ENPP1: variants seen among roughly 807,000 people sequenced by gnomAD.
ENPP1 encodes ectonucleotide pyrophosphatase/phosphodiesterase family member 1.
In ENPP1, 73 loss-of-function variants were observed where a neutral mutation model predicts 122.8. The observed-to-expected ratio is 0.59, with a 90% CI of 0.49 to 0.72. The LOEUF is 0.72. Ranked by LOEUF, ENPP1 falls within the 30% of genes least tolerant of loss-of-function variation. ENPP1 has a pLI of 0.00. For missense variants in ENPP1, 978 were observed against 1,128.1 expected (o/e 0.87, Z 1.91); for synonymous variants, 367 against 391.6 (o/e 0.94, Z 0.74).
chr6:131,868,090 C>G lies in ENPP1; in HGVS notation c.1237C>G (p.His413Asp), dbSNP rs755213459. The G allele has an allele frequency of 6.2e-7, 1 of 1,613,284 alleles. No individual in the cohort carries two copies. The highest frequency in any genetic ancestry group is 8.5e-7 in the Non-Finnish European group (1 of 1,179,328). The change falls in exon 12 of 25, where the codon CAC becomes GAC. Residue 413 changes from histidine (H) to aspartate (D), a missense_variant. Coordinates refer to ENST00000647893, the MANE Select transcript of ENPP1 (RefSeq NM_006208.3). ...LMDGLKELNL[H>D]RCLNLILISD... ...GGATGGTCTGAAAGAGCTGAACTTG[C>G]ACAGATGCCTGAACCTCATCCTTAT...
At chr6:131,872,024 T>C in intron 13 of ENPP1, 46 bp from the exon 14 acceptor site, 1 of 1,330,320 alleles carries the variant, frequency 7.5e-7, no homozygotes, top group Non-Finnish European at 1.1e-6. Context: ...ATGTTTTAAT[T>C]ATAGTATACA....
chr6:131,854,280 G>T (rs919737585), intron 5 of ENPP1, among the ~76,000 whole-genome samples: 7 of 152,028 alleles, frequency 4.6e-5, no homozygotes, highest in African/African-American at 1.4e-4. Flanking sequence ...AGGCATGGTG[G>T]TGCGTGTTTG....
intron 1 of ENPP1, among the ~76,000 whole-genome samples, chr6:131,831,630 C>T (rs531048436): frequency 1.3e-5 from 2 of 152,226 alleles, no homozygotes; most frequent in South Asian, 4.2e-4. Flanking sequence ...TGGGATTTGT[C>T]TAATGTTTTT....
intron 23 of ENPP1, 36 bp downstream of exon 23, chr6:131,885,099 T>TC: frequency 6.2e-7 from 1 of 1,605,604 alleles, no homozygotes; most frequent in East Asian, 2.2e-5. Context: ...AAAATAGGAA[T>TC]TACCATCCAG....
rs755969803 is a variant in ENPP1 at position 131,868,127 on chromosome 6, G to A, written c.1273+1G>A. ...AACCTCATCCTTATTTCAGATCATG[G>A]TAATCTGAATTTGCATTATTTACTC... On this transcript the variant is annotated splice_donor_variant, in intron 12 of 24. Transcript: ENST00000647893. LOFTEE classifies it high-confidence loss of function. The A allele has an allele frequency of 1.9e-6, 3 of 1,594,072 alleles. No homozygotes were observed. In the South Asian group the frequency reaches 3.3e-5, roughly 18 times the overall value.
At chr6:131,861,263 CAAT>C (rs1782019582) in intron 8 of ENPP1, among the ~76,000 whole-genome samples, 2 of 152,088 alleles carry the variant, frequency 1.3e-5, no homozygotes, top group Admixed American at 1.3e-4. Context: ...CCATGATTGG[CAAT>C]AATAAGTGCT....
intron 1 of ENPP1, among the ~76,000 whole-genome samples, chr6:131,825,045 G>A (rs578198911): frequency 2.6e-5 from 4 of 151,684 alleles, no homozygotes; most frequent in African/African-American, 9.7e-5. Flanking sequence ...GGGTGACAGA[G>A]CGAGACTGTG....
intron 24 of ENPP1, among the ~76,000 whole-genome samples, chr6:131,889,227 A>T (rs1465308321): frequency 2.0e-5 from 3 of 152,258 alleles, no homozygotes; most frequent in Non-Finnish European, 4.4e-5. Flanking sequence ...TTTTAAAAAA[A>T]TTTTCAACTT....
intron 1 of ENPP1, among the ~76,000 whole-genome samples, chr6:131,823,220 C>T (rs1203076072): frequency 2.0e-5 from 3 of 152,046 alleles, no homozygotes; most frequent in African/African-American, 7.3e-5. Flanking sequence ...TTTGTCCGGC[C>T]CTATGCTAAA....
intron 3 of ENPP1, among the ~76,000 whole-genome samples, chr6:131,850,351 G>T (rs1162502745): frequency 6.6e-6 from 1 of 152,084 alleles, no homozygotes; most frequent in African/African-American, 2.4e-5. Flanking sequence ...AATGTATGCT[G>T]AAAGCCTTTG....
At chr6:131,811,919 C>T (rs1400314491) in intron 1 of ENPP1, among the ~76,000 whole-genome samples, 1 of 152,214 alleles carries the variant, frequency 6.6e-6, no homozygotes, top group Non-Finnish European at 1.5e-5. Flanking sequence ...GGCTCATTTC[C>T]GGATAGTCTT....
At chr6:131,887,828 A>G (rs12206909) in intron 24 of ENPP1, among the ~76,000 whole-genome samples, 15,286 of 139,646 alleles carry the variant, frequency 0.11, 1,652 homozygotes, top group African/African-American at 0.29. Context: ...TCCTTCCAAA[A>G]TGCTGGGATT....
intron 12 of ENPP1, among the ~76,000 whole-genome samples, chr6:131,868,784 A>G (rs1425681361): frequency 1.3e-5 from 2 of 152,224 alleles, no homozygotes; most frequent in East Asian, 1.9e-4. Context: ...GAAGCATGAT[A>G]TATTAATTTT....
At chr6:131,884,774 C>G (rs568497338) in intron 22 of ENPP1, among the ~76,000 whole-genome samples, 157 bp from the exon 23 acceptor site, 2 of 152,140 alleles carry the variant, frequency 1.3e-5, no homozygotes, top group Non-Finnish European at 2.9e-5. Context: ...GACTCTGTCT[C>G]TAAACAAAAA....
intron 1 of ENPP1, among the ~76,000 whole-genome samples, chr6:131,840,878 G>A (rs1157339268): frequency 6.6e-6 from 1 of 152,168 alleles, no homozygotes; most frequent in Non-Finnish European, 1.5e-5. Flanking sequence ...TACCAGGCAG[G>A]TGTCAATTTC....
chr6:131,825,059 C>CAA lies in ENPP1; in HGVS notation c.240+16793_240+16794dup, dbSNP rs371592579. 1.3e-3 allele frequency among the ~76,000 whole-genome samples: 184 copies of CAA among 143,080 alleles called. No homozygotes were observed. In the South Asian group the frequency reaches 0.017, roughly 13 times the overall value. 93.9% of individuals were successfully genotyped at this position (143,080 alleles called of 152,430 possible). ...TGGGTGACAGAGCGAGACTGTGTCT[C>CAA]AAAAAAAAAACAAACAAACAAAAGC... On this transcript the variant is annotated intron_variant, in intron 1 of 24. Coordinates refer to ENST00000647893, the MANE Select transcript of ENPP1 (RefSeq NM_006208.3).
chr6:131,843,840 G>C (rs1781771758), intron 1 of ENPP1, among the ~76,000 whole-genome samples: 1 of 152,012 alleles, frequency 6.6e-6, no homozygotes, highest in South Asian at 2.1e-4. Context: ...CACATGGGAT[G>C]CCCTAAGCCC....
In ENPP1 at chr6:131,852,183, A is replaced by G. The variant is rs1781890909; in HGVS notation, c.565A>G (p.Ser189Gly). The part of the protein sequence containing the change: ...NYSSVCQGEK[S>G]WVEEPCESIN... ...TCTTGAAAATATTTTAGGTGAGAAA[A>G]GTTGGGTAGAAGAACCATGTGAGAG... Residue 189 changes from serine (S) to glycine (G), a missense_variant, in exon 5 of 25, where the codon AGT (serine) becomes GGT (glycine). This residue lies in a region of ENPP1 where 330 missense variants were observed against 328.5 expected (regional missense o/e 1.00). Coordinates refer to ENST00000647893, the MANE Select transcript of ENPP1 (RefSeq NM_006208.3). 6.2e-7 allele frequency: 1 copy of G among 1,601,512 alleles called. No individual in the cohort carries two copies. The highest frequency in any genetic ancestry group is 1.7e-5 in the Admixed American group (1 of 59,954).
intron 1 of ENPP1, chr6:131,820,319 T>G (rs1781468260): frequency 6.3e-6 from 1 of 159,736 alleles, no homozygotes; most frequent in Admixed American, 6.5e-5. Context: ...TTCAGTAATA[T>G]TTTTCAGAAC....
Sources: allele counts gnomAD v4.1 joint callset (sites outside exome capture counted in the v4.1 genomes callset), GRCh38; gene constraint gnomAD v4.1.1; regional missense constraint gnomAD v4.1.1; transcripts MANE v1.5; gene names NCBI Gene and HGNC (gene_info 2026-07-23, HGNC 2026-07-21).